The following HNRNPM variants were observed in gnomAD, a reference collection of about 807,000 sequenced individuals.
The protein encoded by HNRNPM is CEA receptor.
In HNRNPM, 11 loss-of-function variants were observed where a neutral mutation model predicts 73.1. That is an observed-to-expected ratio of 0.15 (90% confidence interval 0.09 to 0.25). The LOEUF is 0.25. Among genes scored for constraint, HNRNPM ranks in the 10% least tolerant of loss-of-function variants. HNRNPM has a pLI of 1.00. For synonymous variants in HNRNPM, 407 were observed against 355.2 expected, an observed-to-expected ratio of 1.15 and a Z score of -1.64; for missense variants, 789 against 1,067.9, an observed-to-expected ratio of 0.74 and a Z score of 3.64.
chr19:8,447,879 A>G (rs1440862353), intron 1 of HNRNPM, among the ~76,000 whole-genome samples: 1 of 152,140 alleles, frequency 6.6e-6, no homozygotes, highest in Non-Finnish European at 1.5e-5. Flanking sequence ...ACAAAAAATT[A>G]GCCGGGCGTG....
Position 8,477,578 on chromosome 19 carries a change from G to A in HNRNPM, c.1120+3334G>A, listed in dbSNP as rs192028221. 7.9e-5 allele frequency among the ~76,000 whole-genome samples: 12 copies of A among 151,306 alleles called. No homozygotes were observed. In the East Asian group the frequency reaches 2.3e-3, roughly 29 times the overall value. On this transcript the variant is annotated intron_variant, in intron 12 of 15. Coordinates refer to ENST00000325495, the MANE Select transcript of HNRNPM (RefSeq NM_005968.5). The stretch of plus-strand genomic sequence containing the variant: ...CAGGTGGGAGGATGACTTGAGCCCA[G>A]GAGGTCGAGGCTGCAGTGAAGCATG...
At chr19:8,474,066 G>A (rs1398667251) in intron 11 of HNRNPM, 101 bp from the exon 12 acceptor site, 2 of 831,812 alleles carry the variant, frequency 2.4e-6, no homozygotes, top group South Asian at 2.0e-5. Context: ...TAAGTTCTTG[G>A]CAGAAGATAC....
chr19:8,448,398 A>T (rs938730950), intron 1 of HNRNPM, among the ~76,000 whole-genome samples: 1 of 152,112 alleles, frequency 6.6e-6, no homozygotes, highest in South Asian at 2.1e-4. Context: ...AGGGGAATGT[A>T]TAGGTTTTTA....
chr19:8,446,986 C>T (rs1265038430), intron 1 of HNRNPM, among the ~76,000 whole-genome samples: 2 of 152,118 alleles, frequency 1.3e-5, no homozygotes, highest in African/African-American at 4.8e-5. Flanking sequence ...ATTTATTTAC[C>T]GTATGCAGGA....
chr19:8,456,221 C>G (rs186109756), intron 2 of HNRNPM, among the ~76,000 whole-genome samples: 1 of 152,114 alleles, frequency 6.6e-6, no homozygotes, highest in Non-Finnish European at 1.5e-5. Context: ...ACCTTCCAGC[C>G]GAGGGCAGGG....
intron 1 of HNRNPM, among the ~76,000 whole-genome samples, chr19:8,448,651 T>A (rs142097769): frequency 0.049 from 7,391 of 151,872 alleles, 413 homozygotes; most frequent in African/African-American, 0.13. Context: ...CTAATTTTTT[T>A]AATATTTTTT....
rs760282480 is a variant in HNRNPM, at chr19:8,445,104, C to G, written c.106C>G (p.Pro36Ala). 9 of 1,410,340 alleles carry G rather than the reference C, an allele frequency of 6.4e-6. No homozygotes were observed. In the Admixed American group the frequency reaches 1.1e-4, roughly 18 times the overall value. The allele number at this position is 1,410,340 out of a possible 1,614,324, so 87.4% of individuals were successfully genotyped here. The change falls in exon 1 of 16, where the codon CCT becomes GCT. Residue 36 changes from proline to alanine, a missense_variant. This residue lies in a region of HNRNPM where 79 missense variants were observed against 70.7 expected (regional missense o/e 1.12). Coordinates refer to ENST00000325495, the MANE Select transcript of HNRNPM (RefSeq NM_005968.5). ...GCCGAGCGGCAACGGGGCTCCGGGC[C>G]CTAAGGGGTGAGTATCCCACGGTCC... Reference protein sequence around the residue: ...GVPSGNGAPGPKGEGERPAQN... With the variant: ...GVPSGNGAPGAKGEGERPAQN...
At chr19:8,463,345 G>C in intron 3 of HNRNPM, 152 bp from the exon 4 acceptor site, 1 of 830,448 alleles carries the variant, frequency 1.2e-6, no homozygotes. Context: ...ACTTCTGTCA[G>C]CTTCCCCTTA....
At chr19:8,486,992 C>T (rs192477615) in intron 14 of HNRNPM, 32 bp from the exon 15 acceptor site, 73 of 1,583,084 alleles carry the variant, frequency 4.6e-5, no homozygotes, top group Admixed American at 1.5e-4. Context: ...GGTTTAATCA[C>T]GCATCAGTCT....
chr19:8,452,863 C>T (rs887161512), intron 1 of HNRNPM, among the ~76,000 whole-genome samples: 4 of 152,114 alleles, frequency 2.6e-5, no homozygotes, highest in Non-Finnish European at 4.4e-5. Context: ...ATTTTTGAGA[C>T]AGGGTCTTGC....
Position 8,471,968 on chromosome 19 carries a change from T to G in HNRNPM, c.997+541T>G, listed in dbSNP as rs572938409. Among the ~76,000 whole-genome samples the G allele has an allele frequency of 1.1e-4, 17 of 152,190 alleles. No homozygotes were observed. The East Asian group carries it at 3.1e-3, about 28-fold the overall frequency. ...TGGGCGGATCACAAGGTCAGGAGTT[T>G]GAGACCATCCTGGCCAACATGGTGA... On this transcript the variant is annotated intron_variant, in intron 10 of 15. Coordinates refer to ENST00000325495, the MANE Select transcript of HNRNPM (RefSeq NM_005968.5).
At chr19:8,477,912 A>G (rs1377649496) in intron 12 of HNRNPM, among the ~76,000 whole-genome samples, 1 of 152,202 alleles carries the variant, frequency 6.6e-6, no homozygotes, top group Non-Finnish European at 1.5e-5. Context: ...GACCTTGGTC[A>G]AGTTACTAAA....
chr19:8,477,270 A>G (rs1206610903), intron 12 of HNRNPM, among the ~76,000 whole-genome samples: 1 of 152,158 alleles, frequency 6.6e-6, no homozygotes, highest in Admixed American at 6.5e-5. Flanking sequence ...GCACAAGGAA[A>G]GAAGTGGCCA....
intron 2 of HNRNPM, 89 bp downstream of exon 2, chr19:8,455,663 G>A: frequency 9.7e-7 from 1 of 1,031,252 alleles, no homozygotes; most frequent in South Asian, 1.5e-5. Context: ...GTCAGTGGAA[G>A]CGGCTCTGGG....
chr19:8,471,348 G>T lies in HNRNPM; in HGVS notation c.918G>T (p.Met306Ile). The T allele has an allele frequency of 6.3e-7, 1 of 1,595,562 alleles. No homozygotes were observed. Among genetic ancestry groups the T allele is most frequent in the South Asian group, 1.1e-5 (1 of 88,398 alleles). Residue 306 changes from methionine to isoleucine, a missense_variant, in exon 10 of 16, where the codon ATG (methionine) becomes ATT (isoleucine). Physicochemically the swap from Met to Ile is conservative, Grantham distance 10 (BLOSUM62 1). Coordinates refer to ENST00000325495, the MANE Select transcript of HNRNPM (RefSeq NM_005968.5). ...CAGATGGCCTTGGTGGTATTGGCAT[G>T]GGGTTAGGACCAGGAGGGCAACCCA... is the stretch of plus-strand genomic sequence containing the variant. ...QLPHGLGGIG[M>I]GLGPGGQPID...
chr19:8,450,818 G>A (rs1356901654), intron 1 of HNRNPM, among the ~76,000 whole-genome samples: 2 of 150,804 alleles, frequency 1.3e-5, no homozygotes, highest in African/African-American at 2.4e-5. Flanking sequence ...TCCGCCTCCC[G>A]TTCAAGTGAT....
At chr19:8,467,011 T>G (rs911661339) in intron 7 of HNRNPM, among the ~76,000 whole-genome samples, 2 of 152,180 alleles carry the variant, frequency 1.3e-5, no homozygotes, top group East Asian at 1.9e-4. Context: ...AAAGTGGGGT[T>G]GTTGTTTCAT....
chr19:8,479,088 T>C (rs1162032288), intron 12 of HNRNPM, among the ~76,000 whole-genome samples: 2 of 112,522 alleles, frequency 1.8e-5, no homozygotes, highest in African/African-American at 7.1e-5. Flanking sequence ...CTTTTTTTTT[T>C]TTTTTTTTTT....
chr19:8,445,810 C>T (rs1968129601), intron 1 of HNRNPM, among the ~76,000 whole-genome samples: 3 of 152,260 alleles, frequency 2.0e-5, no homozygotes, highest in African/African-American at 7.2e-5. Context: ...ATGGGATCTG[C>T]TGCTTAGCGT....
Sources: gnomAD v4.1 joint callset for allele counts (sites outside exome capture counted in the v4.1 genomes callset) on GRCh38, gnomAD v4.1.1 for gene constraint, gnomAD v4.1.1 regional missense constraint, MANE v1.5 for transcripts, NCBI Gene and HGNC (gene_info 2026-07-23, HGNC 2026-07-21) for gene names.